The following ADARB2 variants were observed in gnomAD, a reference collection of about 807,000 sequenced individuals.
ADARB2 encodes the protein adenosine deaminase RNA specific B2 (inactive), also known as inactive double-stranded RNA-specific editase B2.
Under a neutral mutation model 62.2 loss-of-function variants are expected in ADARB2, and 25 were observed. The ratio of observed to expected loss-of-function variants is 0.40; its 90% CI spans 0.29 to 0.56. The LOEUF (loss-of-function observed/expected upper bound fraction) is 0.56. Ranked by LOEUF, ADARB2 falls within the 20% of genes least tolerant of loss-of-function variation. The pLI is 0.43. For missense variants in ADARB2, 1,071 were observed against 1,077.4 expected (o/e 0.99, Z 0.08); for synonymous variants, 572 against 500.8 (o/e 1.14, Z -1.90).
intron 1 of ADARB2, among the ~76,000 whole-genome samples, chr10:1,571,742 ACAGGTGAGTGTG>A (rs1200969281): frequency 5.7e-5 from 5 of 87,048 alleles, no homozygotes; most frequent in South Asian, 3.8e-4. Context: ...AGGTGAATGG[ACAGGTGAGTGTG>A]CAGGTGAGTG....
chr10:1,712,268 T>A (rs1588362628), intron 1 of ADARB2, among the ~76,000 whole-genome samples: 1 of 152,294 alleles, frequency 6.6e-6, no homozygotes, highest in Middle Eastern at 3.4e-3. Flanking sequence ...TCAAAACACG[T>A]TTTATACAAC....
intron 1 of ADARB2, among the ~76,000 whole-genome samples, chr10:1,466,840 C>T (rs768958995): frequency 1.3e-5 from 2 of 152,096 alleles, no homozygotes; most frequent in South Asian, 2.1e-4. Context: ...CCTGGGTCTT[C>T]GGGACAGAGT....
intron 1 of ADARB2, among the ~76,000 whole-genome samples, chr10:1,553,786 G>A (rs192815026): frequency 6.0e-4 from 91 of 152,268 alleles, no homozygotes; most frequent in African/African-American, 1.9e-3. Context: ...TCTTCTAAGC[G>A]CAGCGACCGT....
chr10:1,693,969 G>T (rs1425815976), intron 1 of ADARB2, among the ~76,000 whole-genome samples: 1 of 152,228 alleles, frequency 6.6e-6, no homozygotes, highest in African/African-American at 2.4e-5. Context: ...TCCTTGGAAT[G>T]GCAGGGGACA....
Position 1,717,703 on chromosome 10 carries a change from G to A in ADARB2, c.100+19348C>T, listed in dbSNP as rs139657140. Among the ~76,000 whole-genome samples the A allele has an allele frequency of 3.5e-3, 535 of 151,946 alleles. 5 individuals carry two copies. In the East Asian group the frequency reaches 0.048, roughly 14 times the overall value. On this transcript the variant is annotated intron_variant, in intron 1 of 9. Coordinates refer to ENST00000381312, the MANE Select transcript of ADARB2 (RefSeq NM_018702.4). Reference sequence around the variant, plus strand: ...GGAGATTCTCCCGCCCCAGACTCCCGAGTAGCTGGGACTACAAGCACACAC... The same window carrying A: ...GGAGATTCTCCCGCCCCAGACTCCCAAGTAGCTGGGACTACAAGCACACAC...
chr10:1,660,639 C>T (rs1834234678), intron 1 of ADARB2, among the ~76,000 whole-genome samples: 1 of 152,186 alleles, frequency 6.6e-6, no homozygotes, highest in African/African-American at 2.4e-5. Flanking sequence ...CTGATGTTTC[C>T]TGTTGGGACC....
intron 1 of ADARB2, among the ~76,000 whole-genome samples, chr10:1,415,763 A>G (rs1424671799): frequency 1.3e-5 from 2 of 152,252 alleles, no homozygotes; most frequent in African/African-American, 2.4e-5. Flanking sequence ...GTTTGATTCT[A>G]TTGATCATAG....
chr10:1,487,448 G>A (rs1439378175), intron 1 of ADARB2, among the ~76,000 whole-genome samples: 1 of 152,224 alleles, frequency 6.6e-6, no homozygotes, highest in Non-Finnish European at 1.5e-5. Context: ...GGGAAGGAGA[G>A]GAGGTGCCTG....
intron 1 of ADARB2, among the ~76,000 whole-genome samples, chr10:1,676,906 G>T (rs565562462): frequency 6.6e-6 from 1 of 152,326 alleles, no homozygotes; most frequent in African/African-American, 2.4e-5. Flanking sequence ...GACCTCATGG[G>T]TCACTGTGGA....
intron 1 of ADARB2, among the ~76,000 whole-genome samples, chr10:1,705,064 TA>T (rs573573798): frequency 2.0e-5 from 3 of 152,208 alleles, no homozygotes; most frequent in East Asian, 1.9e-4. Context: ...ATAATTTCAT[TA>T]AAAAAATAAA....
chr10:1,396,221 G>A (rs1057107728), intron 1 of ADARB2, among the ~76,000 whole-genome samples: 13 of 151,984 alleles, frequency 8.6e-5, no homozygotes, highest in Admixed American at 7.9e-4. Flanking sequence ...ATTATTTTGA[G>A]CCTCCCGACT....
intron 1 of ADARB2, among the ~76,000 whole-genome samples, chr10:1,379,572 A>T (rs1832464500): frequency 6.6e-6 from 1 of 152,220 alleles, no homozygotes; most frequent in Non-Finnish European, 1.5e-5. Flanking sequence ...CAATAAAGCC[A>T]AGACTATCTT....
chr10:1,517,212 T>C (rs1387896523), intron 1 of ADARB2, among the ~76,000 whole-genome samples: 1 of 152,216 alleles, frequency 6.6e-6, no homozygotes, highest in Non-Finnish European at 1.5e-5. Flanking sequence ...AAAAGGGCAC[T>C]ACCGTATGTG....
chr10:1,669,253 T>C (rs1312906038), intron 1 of ADARB2, among the ~76,000 whole-genome samples: 1 of 152,064 alleles, frequency 6.6e-6, no homozygotes, highest in African/African-American at 2.4e-5. Context: ...CCTGAGGAGA[T>C]GATACCACGC....
At chr10:1,700,959 G>A (rs1177688593) in intron 1 of ADARB2, among the ~76,000 whole-genome samples, 1 of 5,708 alleles carries the variant, frequency 1.8e-4, no homozygotes, top group African/African-American at 2.1e-4. Context: ...GAGACCAGGC[G>A]CTCGCCAATA....
At chr10:1,419,091 T>C (rs2805539) in intron 1 of ADARB2, among the ~76,000 whole-genome samples, 40,999 of 151,908 alleles carry the variant, frequency 0.27, 7,183 homozygotes, top group East Asian at 0.62. Flanking sequence ...TGTACAGTGA[T>C]GTGTCTTTTT....
At chr10:1,577,587 G>A (rs1466663626) in intron 1 of ADARB2, among the ~76,000 whole-genome samples, 3 of 152,344 alleles carry the variant, frequency 2.0e-5, no homozygotes, top group South Asian at 2.1e-4. Flanking sequence ...AGCTGTGAAC[G>A]TGCCAGGCTG....
At chr10:1,624,522 G>A (rs530646432) in intron 1 of ADARB2, among the ~76,000 whole-genome samples, 15 of 152,214 alleles carry the variant, frequency 9.9e-5, no homozygotes, top group Admixed American at 2.0e-4. Context: ...CATTTCCTGC[G>A]ACAACAGAAC....
At chr10:1,671,569 C>A (rs1208386528) in intron 1 of ADARB2, among the ~76,000 whole-genome samples, 12 of 152,168 alleles carry the variant, frequency 7.9e-5, no homozygotes, top group Admixed American at 7.9e-4. Context: ...CCAACTTGCC[C>A]ATGGAGGTGG....
Sources: allele counts gnomAD v4.1 joint callset (sites outside exome capture counted in the v4.1 genomes callset), GRCh38; gene constraint gnomAD v4.1.1; transcripts MANE v1.5; gene names NCBI Gene and HGNC (gene_info 2026-07-23, HGNC 2026-07-21).